The following POLN variants were observed in gnomAD, a reference collection of about 807,000 sequenced individuals.
The protein encoded by POLN is DNA polymerase N.
Under a neutral mutation model 113.5 loss-of-function variants are expected in POLN, and 108 were observed. That is an observed-to-expected ratio of 0.95 (90% CI 0.81 to 1.12). POLN has a LOEUF of 1.12. POLN is among the 50% of genes most tolerant of loss of function. POLN has a pLI of 0.00. For missense variants in POLN, 1,097 were observed against 1,077.1 expected (o/e 1.02, Z -0.26); for synonymous variants, 386 against 391.5 (o/e 0.99, Z 0.17).
At chr4:2,157,214 G>C (rs1027285405) in intron 15 of POLN, among the ~76,000 whole-genome samples, 1 of 152,162 alleles carries the variant, frequency 6.6e-6, no homozygotes. Context: ...GTGTGAACTT[G>C]AACGAGTCAC....
intron 11 of POLN, among the ~76,000 whole-genome samples, chr4:2,172,213 C>T (rs1269889789): frequency 6.6e-6 from 1 of 152,156 alleles, no homozygotes; most frequent in Non-Finnish European, 1.5e-5. Flanking sequence ...CCTGCATGAC[C>T]TGAAATGCTG....
intron 3 of POLN, among the ~76,000 whole-genome samples, chr4:2,221,774 C>G (rs1734259002): frequency 6.6e-6 from 1 of 152,070 alleles, no homozygotes; most frequent in Non-Finnish European, 1.5e-5. Flanking sequence ...AGGGTTCCAC[C>G]ACGTTGGCCA....
intron 2 of POLN, chr4:2,236,532 TG>T: frequency 3.0e-6 from 3 of 1,007,256 alleles, no homozygotes; most frequent in Non-Finnish European, 3.0e-6. Context: ...TCCACTGTAT[TG>T]GGGCATTTGT....
intron 19 of POLN, among the ~76,000 whole-genome samples, chr4:2,124,001 T>C (rs1731515337): frequency 6.6e-6 from 1 of 152,166 alleles, no homozygotes; most frequent in African/African-American, 2.4e-5. Flanking sequence ...TAATAGAGTA[T>C]TTTTCAGCCT....
chr4:2,150,854 C>G (rs1339480754), intron 16 of POLN, among the ~76,000 whole-genome samples: 2 of 152,098 alleles, frequency 1.3e-5, no homozygotes, highest in African/African-American at 4.8e-5. Flanking sequence ...AAATGTAAAG[C>G]CCAAAACTAT....
chr4:2,208,268 T>TTA lies in POLN; in HGVS notation c.431_432dup (p.Asn145Ter), dbSNP rs1733904560. 1 of 1,589,308 alleles carries TTA rather than the reference T, an allele frequency of 6.3e-7. No homozygotes were observed. The highest frequency in any genetic ancestry group is 8.6e-7 in the Non-Finnish European group (1 of 1,162,362). On this transcript the variant is annotated frameshift_variant, in exon 5 of 26. Transcript: ENST00000511885. LOFTEE classifies it high-confidence loss of function. ...TTAATGCTTCCTTTATTTTCATTAT[T>TTA]TATATTCTCCATTAGGAAATGCTTT...
chr4:2,178,614 G>T (rs1577744892), intron 8 of POLN, among the ~76,000 whole-genome samples: 1 of 142,098 alleles, frequency 7.0e-6, no homozygotes. Context: ...GCCCAAGACA[G>T]TTTTTTTTTT....
At chr4:2,149,918 C>T (rs1285318324) in intron 16 of POLN, among the ~76,000 whole-genome samples, 1 of 152,034 alleles carries the variant, frequency 6.6e-6, no homozygotes, top group African/African-American at 2.4e-5. Context: ...CCCGTCTCTA[C>T]TAAAAATACC....
rs765977605 is a variant in POLN, at chr4:2,240,598, T to G, written c.-13+922A>C. On this transcript the variant is annotated intron_variant, in intron 2 of 25. Coordinates refer to ENST00000511885, the MANE Select transcript of POLN (RefSeq NM_181808.4). Reference sequence around the variant, plus strand: ...AATTGACATTTATTACGTCGCTGAATTTTTAGGTTCTTTAATTTCAGTAGA... The same window carrying G: ...AATTGACATTTATTACGTCGCTGAAGTTTTAGGTTCTTTAATTTCAGTAGA... The G allele has an allele frequency of 3.1e-6, 5 of 1,612,306 alleles. No homozygotes were observed. In the South Asian group the frequency reaches 4.4e-5, roughly 14 times the overall value.
At chr4:2,199,857 G>A (rs1252832616) in intron 5 of POLN, among the ~76,000 whole-genome samples, 1 of 152,112 alleles carries the variant, frequency 6.6e-6, no homozygotes, top group Non-Finnish European at 1.5e-5. Flanking sequence ...GATTACAGGT[G>A]TGAGCCACCA....
At chr4:2,153,175 G>A (rs1732334884) in intron 16 of POLN, among the ~76,000 whole-genome samples, 1 of 152,208 alleles carries the variant, frequency 6.6e-6, no homozygotes, top group South Asian at 2.1e-4. Flanking sequence ...CAAAAAGCAA[G>A]AGGCAGGAAA....
At chr4:2,174,078 A>G in intron 10 of POLN, 59 bp from the exon 11 acceptor site, 1 of 1,532,394 alleles carries the variant, frequency 6.5e-7, no homozygotes, top group South Asian at 1.1e-5. Flanking sequence ...TTTACTAAAG[A>G]CTAAAATGCT....
At chr4:2,203,876 G>A (rs1461432299) in intron 5 of POLN, among the ~76,000 whole-genome samples, 2 of 152,070 alleles carry the variant, frequency 1.3e-5, no homozygotes, top group African/African-American at 4.8e-5. Context: ...TTGGGCGGCA[G>A]AGGAGGGTGG....
chr4:2,159,128 C>A (rs774225802), intron 14 of POLN, 27 bp downstream of exon 14: 1 of 1,550,702 alleles, frequency 6.4e-7, no homozygotes, highest in African/African-American at 1.4e-5. Flanking sequence ...CACCTTTTAC[C>A]TTTTACGTAC....
At position 2,155,991 on chromosome 4, in the gene POLN, C is replaced by CGG. The variant is rs1055217577; in HGVS notation, c.1731+796_1731+797insCC. Among the ~76,000 whole-genome samples, 71 of 152,176 alleles carry CGG rather than the reference C, an allele frequency of 4.7e-4. 1 individual carries two copies. Among genetic ancestry groups the CGG allele is most frequent in the Admixed American group, 4.6e-3 (70 of 15,284 alleles). ...CTGAGACTACAGGCACCCGCCACCA[C>CGG]GCCCAGCTAATTTTTGTGTTTTTAG... On this transcript the variant is annotated intron_variant, in intron 16 of 25. Transcript: ENST00000511885.
chr4:2,211,975 T>A (rs929622242), intron 4 of POLN, among the ~76,000 whole-genome samples: 1 of 152,124 alleles, frequency 6.6e-6, no homozygotes, highest in Non-Finnish European at 1.5e-5. Context: ...CCCTTCTCTG[T>A]GGAAGATGCC....
intron 21 of POLN, among the ~76,000 whole-genome samples, chr4:2,085,000 CCTTTA>C (rs1251030541): frequency 6.6e-6 from 1 of 152,228 alleles, no homozygotes; most frequent in Non-Finnish European, 1.5e-5. Flanking sequence ...TTAAAATATT[CCTTTA>C]CTTCTAAGTG....
intron 16 of POLN, among the ~76,000 whole-genome samples, chr4:2,152,037 C>A (rs112421638): frequency 7.0e-6 from 1 of 142,304 alleles, no homozygotes; most frequent in Non-Finnish European, 1.5e-5. Context: ...TTTCTTTCTT[C>A]TTTTTTTTTT....
At chr4:2,232,671 A>G (rs1734624186) in intron 2 of POLN, among the ~76,000 whole-genome samples, 1 of 150,894 alleles carries the variant, frequency 6.6e-6, no homozygotes, top group Non-Finnish European at 1.5e-5. Flanking sequence ...AAATAGAATT[A>G]CACATGACAT....
Sources: gnomAD v4.1 joint callset for allele counts (sites outside exome capture counted in the v4.1 genomes callset) on GRCh38, gnomAD v4.1.1 for gene constraint, MANE v1.5 for transcripts, NCBI Gene and HGNC (gene_info 2026-07-23, HGNC 2026-07-21) for gene names.